The following AFF3 variants were observed in gnomAD, a reference collection of about 807,000 sequenced individuals.
AFF3 encodes ALF transcription elongation factor 3.
In AFF3, 32 loss-of-function variants were observed where a neutral mutation model predicts 129.7. The observed-to-expected ratio is 0.25, with a 90% CI of 0.19 to 0.33. The LOEUF (loss-of-function observed/expected upper bound fraction) is 0.33. Among genes scored for constraint, AFF3 ranks in the 10% least tolerant of loss-of-function variants. The probability of loss-of-function intolerance (pLI) is 1.00; values close to 1 mark genes in which losing one functional copy is unlikely to be tolerated. For missense variants in AFF3, 1,373 were observed against 1,592.0 expected, an observed-to-expected ratio of 0.86 and a Z score of 2.34; for synonymous variants, 644 against 635.4, an observed-to-expected ratio of 1.01 and a Z score of -0.20.
chr2:99,569,689 A>G (rs989837636), intron 18 of AFF3, among the ~76,000 whole-genome samples: 13 of 152,228 alleles, frequency 8.5e-5, no homozygotes, highest in African/African-American at 3.1e-4. Context: ...CTCATTAGAC[A>G]GTATCTTTAA....
At chr2:99,952,235 G>T (rs1490587040) in intron 7 of AFF3, among the ~76,000 whole-genome samples, 1 of 152,080 alleles carries the variant, frequency 6.6e-6, no homozygotes, top group Non-Finnish European at 1.5e-5. Context: ...TTATCTAAAA[G>T]CATGTAGCAC....
At chr2:99,600,822 A>G (rs1025187727) in intron 14 of AFF3, among the ~76,000 whole-genome samples, 8 of 152,152 alleles carry the variant, frequency 5.3e-5, no homozygotes, top group Non-Finnish European at 1.2e-4. Flanking sequence ...GTACCTTCTA[A>G]TGTTTTTATA....
chr2:99,729,618 T>G (rs1543253), intron 10 of AFF3, among the ~76,000 whole-genome samples: 28,845 of 152,108 alleles, frequency 0.19, 2,968 homozygotes, highest in Middle Eastern at 0.24. Context: ...GAAGTTAACT[T>G]GAAATGTTTA....
intron 2 of AFF3, among the ~76,000 whole-genome samples, chr2:100,124,177 G>C (rs998834280): frequency 6.6e-6 from 1 of 152,196 alleles, no homozygotes; most frequent in South Asian, 2.1e-4. Flanking sequence ...AACTATGAGA[G>C]AGATCCTTGA....
intron 1 of AFF3, among the ~76,000 whole-genome samples, chr2:100,137,722 C>T (rs1466044694): frequency 1.3e-5 from 2 of 152,176 alleles, no homozygotes; most frequent in Non-Finnish European, 2.9e-5. Context: ...CTGAGGGTCA[C>T]CTAGCCTCTT....
At chr2:99,557,832 G>T (rs1675088776) in intron 22 of AFF3, among the ~76,000 whole-genome samples, 1 of 152,192 alleles carries the variant, frequency 6.6e-6, no homozygotes, top group Non-Finnish European at 1.5e-5. Context: ...CACCTCTAGA[G>T]GAGGTTGGGC....
intron 11 of AFF3, among the ~76,000 whole-genome samples, chr2:99,703,661 T>C (rs1419935190): frequency 2.6e-5 from 4 of 152,098 alleles, no homozygotes; most frequent in Non-Finnish European, 5.9e-5. Context: ...TTTTTTCTTT[T>C]CTTGCCTTCA....
intron 5 of AFF3, 106 bp from the exon 6 acceptor site, chr2:100,007,566 G>C: frequency 9.8e-7 from 1 of 1,020,060 alleles, no homozygotes; most frequent in Non-Finnish European, 1.4e-6. Context: ...GTCACATGCA[G>C]AATGAGAGCT....
intron 7 of AFF3, among the ~76,000 whole-genome samples, chr2:99,957,256 C>T (rs1559009659): frequency 2.6e-5 from 4 of 152,088 alleles, no homozygotes; most frequent in Non-Finnish European, 1.5e-5. Flanking sequence ...AACATAGACC[C>T]CTGAAAATCT....
chr2:99,653,264 A>G lies in AFF3; in HGVS notation c.1144-3598T>C, dbSNP rs539813379. Among the ~76,000 whole-genome samples the G allele has an allele frequency of 3.9e-5, 6 of 152,364 alleles. No homozygotes were observed. In the South Asian group the frequency reaches 1.2e-3, roughly 32 times the overall value. The stretch of plus-strand genomic sequence containing the variant: ...TGTATTATTAGTATTGTCTCTTAAC[A>G]TCATCTCAGCAGGAGCCATGAGAGA... On this transcript the variant is annotated intron_variant, in intron 12 of 24. Transcript: ENST00000672756.
chr2:100,115,089 T>G (rs759438553), intron 2 of AFF3, among the ~76,000 whole-genome samples: 5 of 151,708 alleles, frequency 3.3e-5, no homozygotes, highest in Non-Finnish European at 7.4e-5. Context: ...AAAATTAACA[T>G]GTGGGATTTC....
rs1553585788 is a variant in AFF3, at chr2:99,545,420, A to T, written c.*6054T>A. ...TTGAAAAAGCAACGATAAGGAAACT[A>T]GAACATTGATATTATTTTAATTACC... On this transcript the variant is annotated 3_prime_UTR_variant, in exon 25 of 25. Coordinates refer to ENST00000672756, the MANE Select transcript of AFF3 (RefSeq NM_001386135.1). 2 of 152,246 alleles carry T rather than the reference A, an allele frequency of 1.3e-5. No homozygotes were observed. Among genetic ancestry groups the T allele is most frequent in the Non-Finnish European group, 2.9e-5 (2 of 68,044 alleles). 9.4% of individuals were successfully genotyped at this position (152,246 alleles called of 1,614,324 possible).
intron 7 of AFF3, among the ~76,000 whole-genome samples, chr2:99,976,684 A>T (rs1346069049): frequency 6.6e-6 from 1 of 152,204 alleles, no homozygotes; most frequent in Non-Finnish European, 1.5e-5. Context: ...AATGGACAGC[A>T]ACTGATTAAT....
At chr2:100,022,526 T>A (rs1042734001) in intron 4 of AFF3, among the ~76,000 whole-genome samples, 3 of 152,148 alleles carry the variant, frequency 2.0e-5, no homozygotes, top group African/African-American at 7.2e-5. Context: ...TTCTCATGTC[T>A]CAGCCTCCCA....
intron 21 of AFF3, among the ~76,000 whole-genome samples, chr2:99,559,854 GT>G (rs1675307972): frequency 6.6e-6 from 1 of 152,230 alleles, no homozygotes; most frequent in African/African-American, 2.4e-5. Flanking sequence ...TGGTAGACAT[GT>G]ATTCTATCAA....
At chr2:99,813,193 G>A (rs1233127208) in intron 8 of AFF3, among the ~76,000 whole-genome samples, 3 of 152,164 alleles carry the variant, frequency 2.0e-5, no homozygotes, top group South Asian at 4.1e-4. Context: ...TTGGAGGGAC[G>A]TCGAGCAGGG....
intron 18 of AFF3, among the ~76,000 whole-genome samples, chr2:99,571,810 C>G (rs1486480217): frequency 1.3e-5 from 2 of 152,192 alleles, no homozygotes; most frequent in Non-Finnish European, 2.9e-5. Flanking sequence ...AATGGGATGT[C>G]ACCCAGTGTC....
intron 7 of AFF3, among the ~76,000 whole-genome samples, chr2:99,926,450 A>C (rs1380074817): frequency 6.6e-6 from 1 of 152,208 alleles, no homozygotes; most frequent in African/African-American, 2.4e-5. Flanking sequence ...AATTTTTCAT[A>C]TAACAAAGCC....
At chr2:99,893,216 G>C (rs1693701071) in intron 7 of AFF3, among the ~76,000 whole-genome samples, 1 of 152,198 alleles carries the variant, frequency 6.6e-6, no homozygotes, top group African/African-American at 2.4e-5. Flanking sequence ...CTCAGGATGT[G>C]ACAATGGTCA....
Sources: gnomAD v4.1 joint callset for allele counts (sites outside exome capture counted in the v4.1 genomes callset) on GRCh38, gnomAD v4.1.1 for gene constraint, MANE v1.5 for transcripts, NCBI Gene and HGNC (gene_info 2026-07-23, HGNC 2026-07-21) for gene names.